LMAN2: variants seen among roughly 807,000 people sequenced by gnomAD.
LMAN2 encodes the protein vesicular integral-membrane protein VIP36.
LMAN2 carries 22 observed loss-of-function variants against 39.3 expected under a neutral mutation model. The observed-to-expected ratio is 0.56, with a 90% CI of 0.40 to 0.80. The LOEUF (loss-of-function observed/expected upper bound fraction) is 0.80, where lower values mean the gene tolerates loss of function less well. Among genes scored for constraint, LMAN2 ranks in the 30% least tolerant of loss-of-function variants. The probability of loss-of-function intolerance (pLI) is 0.00; values close to 1 mark genes in which losing one functional copy is unlikely to be tolerated. For synonymous variants in LMAN2, 207 were observed against 207.8 expected, an observed-to-expected ratio of 1.00 and a Z score of 0.03; for missense variants, 494 against 505.4, an observed-to-expected ratio of 0.98 and a Z score of 0.22.
At chr5:177,334,975 C>A (rs576598784) in intron 6 of LMAN2, among the ~76,000 whole-genome samples, 2 of 152,292 alleles carry the variant, frequency 1.3e-5, no homozygotes, top group South Asian at 4.1e-4. Context: ...CCTGAGGAGA[C>A]TGGGGAAAGG....
chr5:177,332,811 G>A lies in LMAN2; in HGVS notation c.911-565C>T, dbSNP rs895812015. Among the ~76,000 whole-genome samples, 5 of 152,168 alleles carry A rather than the reference G, an allele frequency of 3.3e-5. No homozygotes were observed. Among genetic ancestry groups the A allele is most frequent in the African/African-American group, 1.2e-4 (5 of 41,444 alleles). ...ATGGGGCCCACTGGTACGCTCCCTT[G>A]TACAGGCGGAGAGAAGACACTGACT... On this transcript the variant is annotated intron_variant, in intron 7 of 7. Coordinates refer to ENST00000303127, the MANE Select transcript of LMAN2 (RefSeq NM_006816.3). The surrounding 1 kb of genome is among the most constrained non-coding windows in gnomAD (Gnocchi z 6.3).
In LMAN2 at chr5:177,332,169, C is replaced by A. The variant is rs150674852; in HGVS notation, c.988G>T (p.Ala330Ser). The A allele has an allele frequency of 6.2e-7, 1 of 1,613,640 alleles. No individual in the cohort carries two copies. The highest frequency in any genetic ancestry group is 8.5e-7 in the Non-Finnish European group (1 of 1,179,958). ...GWRVFLLLLC[A>S]LLGIVVCAVV... ...GCGCAGACAACGATGCCCAGGAGAG[C>A]GCACAGCAGCAGCAGGAACACCCGC... The change falls in exon 8 of 8, where the codon GCT becomes TCT. Residue 330 changes from alanine (A) to serine (S), a missense_variant. Coordinates refer to ENST00000303127, the MANE Select transcript of LMAN2 (RefSeq NM_006816.3). This position sits in a 1 kb window ranked among gnomAD's most constrained non-coding sequence, Gnocchi z 6.3.
At chr5:177,340,044 G>A (rs1331028334) in intron 2 of LMAN2, among the ~76,000 whole-genome samples, 2 of 152,076 alleles carry the variant, frequency 1.3e-5, no homozygotes, top group African/African-American at 4.8e-5. Flanking sequence ...TGGGATTCCC[G>A]AGTAAGATGT....
At chr5:177,336,816 G>A (rs568159382) in intron 6 of LMAN2, 110 of 443,792 alleles carry the variant, frequency 2.5e-4, no homozygotes, top group Admixed American at 4.0e-4. Context: ...CCAAGGGACC[G>A]TTCAAGGCCT....
rs1761717088 is a variant in LMAN2, at chr5:177,351,189, G to C, written c.299C>G (p.Ser100Cys). 5 of 1,614,008 alleles carry C rather than the reference G, an allele frequency of 3.1e-6. No individual in the cohort carries two copies. Among genetic ancestry groups the C allele is most frequent in the Admixed American group, 3.3e-5 (2 of 59,990 alleles). ...LTPDERSKEG[S>C]IWNHQPCFLK... ...ACCACTCACCTGGTGGTTCCAGATA[G>C]AGCCCTCTTTGCTGCGCTCGTCAGG... The change falls in exon 2 of 8, where the codon TCT (serine) becomes TGT (cysteine). Residue 100 changes from serine (S) to cysteine (C), a missense_variant. Coordinates refer to ENST00000303127, the MANE Select transcript of LMAN2 (RefSeq NM_006816.3).
chr5:177,350,005 ATGAC>A (rs1190173977), intron 2 of LMAN2, among the ~76,000 whole-genome samples: 1 of 152,184 alleles, frequency 6.6e-6, no homozygotes, highest in Admixed American at 6.5e-5. Context: ...AACACAGAGA[ATGAC>A]TGGAGATGCA....
chr5:177,333,527 T>C (rs539409547), intron 7 of LMAN2, among the ~76,000 whole-genome samples: 1 of 152,366 alleles, frequency 6.6e-6, no homozygotes, highest in East Asian at 1.9e-4. Flanking sequence ...CATAAAACAC[T>C]GGATCTTGGC....
chr5:177,348,687 CAAAAA>C (rs35269220), intron 2 of LMAN2, among the ~76,000 whole-genome samples: 3 of 33,860 alleles, frequency 8.9e-5, no homozygotes, highest in Admixed American at 8.1e-4. Context: ...GACTCTGTCT[CAAAAA>C]AAAAAAAAAA....
chr5:177,334,182 C>T, intron 7 of LMAN2, 102 bp downstream of exon 7: 1 of 1,494,226 alleles, frequency 6.7e-7, no homozygotes, highest in South Asian at 1.3e-5. Context: ...CAGACCACAA[C>T]CACCACAACC....
chr5:177,336,844 T>C (rs1052813838), intron 6 of LMAN2: 9 of 490,670 alleles, frequency 1.8e-5, no homozygotes, highest in African/African-American at 1.5e-4. Flanking sequence ...GGACAGGCCA[T>C]TTACAGAAGA....
At chr5:177,345,364 C>G (rs944071731) in intron 2 of LMAN2, among the ~76,000 whole-genome samples, 3 of 114,478 alleles carry the variant, frequency 2.6e-5, no homozygotes, top group Non-Finnish European at 5.6e-5. Flanking sequence ...AAAAAAAAAG[C>G]CACTCTTTCA....
At chr5:177,334,041 G>GA (rs1192860025) in intron 7 of LMAN2, among the ~76,000 whole-genome samples, 196 of 152,356 alleles carry the variant, frequency 1.3e-3, no homozygotes, top group African/African-American at 4.4e-3. Context: ...CTGACTCTCT[G>GA]CAGACTTCTC....
chr5:177,341,797 C>A (rs533565570), intron 2 of LMAN2, among the ~76,000 whole-genome samples: 1 of 152,232 alleles, frequency 6.6e-6, no homozygotes, highest in African/African-American at 2.4e-5. Context: ...ATAATTAAAA[C>A]AAATGACAAC....
Position 177,331,890 on chromosome 5 carries a change from G to A in LMAN2, c.*196C>T. 1 of 582,098 alleles carries A rather than the reference G, an allele frequency of 1.7e-6. No homozygotes were observed. The highest frequency in any genetic ancestry group is 2.9e-6 in the Non-Finnish European group (1 of 344,442). The allele number at this position is 582,098 out of a possible 1,614,324, so 36.1% of individuals were successfully genotyped here. On this transcript the variant is annotated 3_prime_UTR_variant, in exon 8 of 8. Transcript: ENST00000303127. ...AGGAGAGCCTCCGTCTCCAGCTGTGGGGGGTGCCAGACCCTAAGCCTCGGC... is the reference window on the plus strand; with the variant it reads ...AGGAGAGCCTCCGTCTCCAGCTGTGAGGGGTGCCAGACCCTAAGCCTCGGC...
Position 177,337,081 on chromosome 5 carries a change from C to T in LMAN2, c.790+55G>A. The T allele has an allele frequency of 1.5e-6, 2 of 1,355,580 alleles. No homozygotes were observed. The highest frequency in any genetic ancestry group is 1.2e-5 in the South Asian group (1 of 85,244). The allele number at this position is 1,355,580 out of a possible 1,614,324, so 84.0% of individuals were successfully genotyped here. A position where few individuals can be genotyped will look rare whatever the true frequency, so the allele number is the denominator to read the frequency against. ...AGGCAATCAACTGCATGGAAAGCTC[C>T]CAGTCCCTCAGGGTGAGCTGGGCTG... On this transcript the variant is annotated intron_variant, in intron 6 of 7. Coordinates refer to ENST00000303127, the MANE Select transcript of LMAN2 (RefSeq NM_006816.3). The surrounding 1 kb of genome is among the most constrained non-coding windows in gnomAD (Gnocchi z 8.2).
In LMAN2 at chr5:177,332,372, C is replaced by T; in HGVS notation, c.911-126G>A. 3.5e-6 allele frequency: 3 copies of T among 847,486 alleles called. No individual in the cohort carries two copies. The highest frequency in any genetic ancestry group is 2.7e-5 in the East Asian group (1 of 37,490). The allele number at this position is 847,486 out of a possible 1,614,324, so 52.5% of individuals were successfully genotyped here. A position where few individuals can be genotyped will look rare whatever the true frequency, so the allele number is the denominator to read the frequency against. On this transcript the variant is annotated intron_variant, in intron 7 of 7. Coordinates refer to ENST00000303127, the MANE Select transcript of LMAN2 (RefSeq NM_006816.3). This position sits in a 1 kb window ranked among gnomAD's most constrained non-coding sequence, Gnocchi z 6.3. ...GGGCAGGCCGGTCGTACTCACCCCC[C>T]TCACCGGGGAGGGGCAGAGGTCAGG... is the stretch of plus-strand genomic sequence containing the variant.
Position 177,332,248 on chromosome 5 carries a change from TGGGGGAGAAGAAAC to T in LMAN2, c.911-16_911-3del. On this transcript the variant is annotated splice_polypyrimidine_tract_variant and splice_region_variant and intron_variant, in intron 7 of 7. Transcript: ENST00000303127. This position sits in a 1 kb window ranked among gnomAD's most constrained non-coding sequence, Gnocchi z 6.3. Reference sequence around the variant, plus strand: ...TCCCCGTGGGGTCGTCCACGTTGTCTGGGGGAGAAGAAACGGGGGAGCTGAAACGGCAGCACGGG... The same window carrying T: ...TCCCCGTGGGGTCGTCCACGTTGTCTGGGGGAGCTGAAACGGCAGCACGGG... 4 of 1,611,640 alleles carry T rather than the reference TGGGGGAGAAGAAAC, an allele frequency of 2.5e-6. No individual in the cohort carries two copies. Among genetic ancestry groups the T allele is most frequent in the Non-Finnish European group, 3.4e-6 (4 of 1,179,382 alleles).
chr5:177,347,442 A>G (rs1761652761), intron 2 of LMAN2, among the ~76,000 whole-genome samples: 1 of 152,216 alleles, frequency 6.6e-6, no homozygotes, highest in Non-Finnish European at 1.5e-5. Context: ...GCAGATTAGT[A>G]GAGACATACT....
chr5:177,340,204 A>G (rs1364943867), intron 2 of LMAN2, among the ~76,000 whole-genome samples: 1 of 152,256 alleles, frequency 6.6e-6, no homozygotes, highest in African/African-American at 2.4e-5. Context: ...AGGGAGGGAT[A>G]GAGGAAACAG....
Sources: allele counts gnomAD v4.1 joint callset (sites outside exome capture counted in the v4.1 genomes callset), GRCh38; gene constraint gnomAD v4.1.1; non-coding constraint Gnocchi (gnomAD v3.1); transcripts MANE v1.5; gene names NCBI Gene and HGNC (gene_info 2026-07-23, HGNC 2026-07-21).